The following ABHD17C variants were observed in gnomAD, a reference collection of about 807,000 sequenced individuals.
ABHD17C encodes the protein abhydrolase domain containing 17C, depalmitoylase.
A neutral mutation model predicts 27.9 loss-of-function variants in ABHD17C; 11 were observed. The observed-to-expected ratio is 0.39, with a 90% CI of 0.25 to 0.65. The LOEUF is 0.65. Among genes scored for constraint, ABHD17C ranks in the 30% least tolerant of loss-of-function variants. The pLI, the probability that ABHD17C is intolerant of heterozygous loss-of-function variation, is 0.45. For missense variants in ABHD17C, 280 were observed against 470.2 expected (o/e 0.60, Z 3.74); for synonymous variants, 233 against 209.1 (o/e 1.11, Z -0.98).
At chr15:80,721,992 A>G (rs909461323) in intron 1 of ABHD17C, among the ~76,000 whole-genome samples, 5 of 152,126 alleles carry the variant, frequency 3.3e-5, no homozygotes, top group African/African-American at 1.2e-4. Flanking sequence ...CAGACTTCCT[A>G]TAATTTACCT....
At chr15:80,723,802 A>C (rs185485272) in intron 1 of ABHD17C, among the ~76,000 whole-genome samples, 1 of 151,238 alleles carries the variant, frequency 6.6e-6, no homozygotes, top group East Asian at 1.9e-4. Context: ...TTCTAATCCG[A>C]CCAACCGCTG....
intron 1 of ABHD17C, among the ~76,000 whole-genome samples, chr15:80,701,746 A>G (rs1894576153): frequency 6.6e-6 from 1 of 152,166 alleles, no homozygotes; most frequent in African/African-American, 2.4e-5. Context: ...ATATTTCTAC[A>G]AAGGAAATAG....
chr15:80,700,762 G>A (rs1894560618), intron 1 of ABHD17C, among the ~76,000 whole-genome samples: 1 of 152,014 alleles, frequency 6.6e-6, no homozygotes, highest in African/African-American at 2.4e-5. Context: ...GTAGCCAGGT[G>A]TGGTGGTGTG....
intron 1 of ABHD17C, among the ~76,000 whole-genome samples, chr15:80,697,532 A>G (rs1450881459): frequency 6.6e-6 from 1 of 152,230 alleles, no homozygotes; most frequent in Non-Finnish European, 1.5e-5. Flanking sequence ...TGTCCACATT[A>G]CAATGAAAGC....
intron 2 of ABHD17C, among the ~76,000 whole-genome samples, chr15:80,751,409 A>G (rs1356308033): frequency 6.6e-6 from 1 of 152,148 alleles, no homozygotes; most frequent in African/African-American, 2.4e-5. Flanking sequence ...CATTTTACAG[A>G]TGAGGAAATG....
chr15:80,720,179 G>A (rs1268038388), intron 1 of ABHD17C, among the ~76,000 whole-genome samples: 2 of 151,944 alleles, frequency 1.3e-5, no homozygotes, highest in South Asian at 2.1e-4. Flanking sequence ...TTGTTACACT[G>A]TCTTTTGCAT....
rs535668040 is a variant in ABHD17C, at chr15:80,706,981, A to C, written c.590+10962A>C. Among the ~76,000 whole-genome samples the C allele has an allele frequency of 5.9e-5, 9 of 152,346 alleles. No individual in the cohort carries two copies. In the East Asian group the frequency reaches 1.2e-3, roughly 20 times the overall value. ...TGCTAATCACTTTGAAGCATGTTTT[A>C]TAGTATACAAGAAGACTGGATAAAA... On this transcript the variant is annotated intron_variant, in intron 1 of 2. Coordinates refer to ENST00000258884, the MANE Select transcript of ABHD17C (RefSeq NM_021214.2).
chr15:80,695,657 C>T lies in ABHD17C; in HGVS notation c.228C>T (p.Pro76=), dbSNP rs774046031. The T allele has an allele frequency of 5.7e-6, 8 of 1,414,734 alleles. No homozygotes were observed. The South Asian group carries it at 7.5e-5, about 13-fold the overall frequency. The allele number at this position is 1,414,734 out of a possible 1,614,324, so 87.6% of individuals were successfully genotyped here. A position where few individuals can be genotyped will look rare whatever the true frequency, so the allele number is the denominator to read the frequency against. Residue 76 remains proline (P), a synonymous_variant, in exon 1 of 3, where the codon CCC becomes CCT. Coordinates refer to ENST00000258884, the MANE Select transcript of ABHD17C (RefSeq NM_021214.2). The surrounding 1 kb of genome is among the most constrained non-coding windows in gnomAD (Gnocchi z 4.3). ...CGGCCCAGCCGGCACCGCAGCAGCC[C>T]GAGGAGGGCGCGGGCGCGGGGCCCG... ...AAAAQPAPQQ[P]EEGAGAGPGA... is the part of the protein sequence containing the mutation.
chr15:80,695,460 T>C lies in ABHD17C; in HGVS notation c.31T>C (p.Phe11Leu), dbSNP rs1476769087. 1.5e-6 allele frequency: 2 copies of C among 1,373,192 alleles called. No individual in the cohort carries two copies. Among genetic ancestry groups the C allele is most frequent in the Non-Finnish European group, 1.9e-6 (2 of 1,050,820 alleles). 85.1% of individuals were successfully genotyped at this position (1,373,192 alleles called of 1,614,324 possible). MPEPGPRMNGFSLGELCWLFC... is the reference protein window; with the variant it reads MPEPGPRMNGLSLGELCWLFC... ...CGAGCCAGGCCCCAGGATGAACGGC[T>C]TCTCGCTGGGTGAGCTGTGCTGGCT... Residue 11 changes from phenylalanine to leucine, a missense_variant, in exon 1 of 3, where the codon TTC becomes CTC. By Grantham distance (22) the Phe-to-Leu change is conservative. Coordinates refer to ENST00000258884, the MANE Select transcript of ABHD17C (RefSeq NM_021214.2). The surrounding 1 kb of genome is among the most constrained non-coding windows in gnomAD (Gnocchi z 4.3).
intron 1 of ABHD17C, among the ~76,000 whole-genome samples, chr15:80,723,228 T>G (rs559645429): frequency 1.3e-5 from 2 of 152,102 alleles, no homozygotes; most frequent in African/African-American, 4.8e-5. Flanking sequence ...AAACCTGTGT[T>G]TTTCATTGTG....
intron 1 of ABHD17C, 116 bp from the exon 2 acceptor site, chr15:80,749,397 T>C (rs1895337414): frequency 1.4e-5 from 15 of 1,041,882 alleles, no homozygotes; most frequent in Non-Finnish European, 1.9e-5. Flanking sequence ...AGTTAGATGA[T>C]ATGGTTTTAA....
chr15:80,711,782 T>C (rs2141496112), intron 1 of ABHD17C, among the ~76,000 whole-genome samples: 1 of 152,378 alleles, frequency 6.6e-6, no homozygotes, highest in South Asian at 2.1e-4. Flanking sequence ...GTATTATTTT[T>C]GAGTTTTCCT....
intron 1 of ABHD17C, among the ~76,000 whole-genome samples, chr15:80,720,896 G>C (rs2141502678): frequency 6.6e-6 from 1 of 151,646 alleles, no homozygotes; most frequent in African/African-American, 2.4e-5. Context: ...ACTCCAGCCT[G>C]GGCAACAGAG....
intron 1 of ABHD17C, among the ~76,000 whole-genome samples, chr15:80,699,522 C>T (rs1313350479): frequency 6.6e-6 from 1 of 152,128 alleles, no homozygotes; most frequent in East Asian, 1.9e-4. Flanking sequence ...AAGAGAAGAA[C>T]AATACTAACC....
At chr15:80,707,068 G>A (rs1894657925) in intron 1 of ABHD17C, among the ~76,000 whole-genome samples, 1 of 152,228 alleles carries the variant, frequency 6.6e-6, no homozygotes, top group African/African-American at 2.4e-5. Flanking sequence ...TTTGTGCGCA[G>A]AAGGTCTGCT....
At position 80,755,338 on chromosome 15, in the gene ABHD17C, A is replaced by C. The variant is rs923931289; in HGVS notation, c.*968A>C. 1 of 152,242 alleles carries C rather than the reference A, an allele frequency of 6.6e-6. No homozygotes were observed. The highest frequency in any genetic ancestry group is 1.5e-5 in the Non-Finnish European group (1 of 68,038). 9.4% of individuals were successfully genotyped at this position (152,242 alleles called of 1,614,324 possible). A position where few individuals can be genotyped will look rare whatever the true frequency, so the allele number is the denominator to read the frequency against. ...TATGTAATTAAAATTTCACTAAACTAATCTTTTTAGTTTAGGAATTATTTG... is the reference window on the plus strand; with the variant it reads ...TATGTAATTAAAATTTCACTAAACTCATCTTTTTAGTTTAGGAATTATTTG... On this transcript the variant is annotated 3_prime_UTR_variant, in exon 3 of 3. Coordinates refer to ENST00000258884, the MANE Select transcript of ABHD17C (RefSeq NM_021214.2).
At chr15:80,711,949 A>G (rs942750403) in intron 1 of ABHD17C, among the ~76,000 whole-genome samples, 2 of 152,230 alleles carry the variant, frequency 1.3e-5, no homozygotes, top group Non-Finnish European at 2.9e-5. Context: ...ATGAAGGAAG[A>G]AAAATGCCGT....
chr15:80,724,424 C>T (rs989504733), intron 1 of ABHD17C, among the ~76,000 whole-genome samples: 1 of 152,010 alleles, frequency 6.6e-6, no homozygotes, highest in Non-Finnish European at 1.5e-5. Flanking sequence ...AGCAGAAAAT[C>T]GGCAGTGTAA....
chr15:80,718,668 A>G (rs1205536697), intron 1 of ABHD17C, among the ~76,000 whole-genome samples: 1 of 152,156 alleles, frequency 6.6e-6, no homozygotes, highest in Non-Finnish European at 1.5e-5. Flanking sequence ...CACTTTGCCC[A>G]TCAATATCTC....
Sources: gnomAD v4.1 joint callset for allele counts (sites outside exome capture counted in the v4.1 genomes callset) on GRCh38, gnomAD v4.1.1 for gene constraint, Gnocchi (gnomAD v3.1) non-coding constraint, MANE v1.5 for transcripts, NCBI Gene and HGNC (gene_info 2026-07-23, HGNC 2026-07-21) for gene names.